The following RIMBP2 variants were observed in gnomAD, a reference collection of about 807,000 sequenced individuals.
RIMBP2 encodes the protein RIMS binding protein 2, also known as RIMS-binding protein 2.
A neutral mutation model predicts 118.6 loss-of-function variants in RIMBP2; 48 were observed. That is an observed-to-expected ratio of 0.40 (90% CI 0.32 to 0.51). RIMBP2 has a LOEUF of 0.51. Ranked by LOEUF, RIMBP2 falls within the 20% of genes least tolerant of loss-of-function variation. The probability of loss-of-function intolerance (pLI) is 0.41; values close to 1 mark genes in which losing one functional copy is unlikely to be tolerated. For synonymous variants in RIMBP2, 762 were observed against 742.9 expected (o/e 1.03, Z -0.42); for missense variants, 1,551 against 1,768.3 (o/e 0.88, Z 2.20).
chr12:130,510,178 T>C (rs2050768568), intron 3 of RIMBP2, among the ~76,000 whole-genome samples: 1 of 152,198 alleles, frequency 6.6e-6, no homozygotes, highest in Non-Finnish European at 1.5e-5. Flanking sequence ...CTCCCACAGG[T>C]GTGTTACAAA....
intron 3 of RIMBP2, among the ~76,000 whole-genome samples, chr12:130,507,664 C>T (rs937357904): frequency 2.0e-5 from 3 of 152,176 alleles, no homozygotes; most frequent in Admixed American, 2.0e-4. Flanking sequence ...CTCTCCTCTT[C>T]GAAACAAGTA....
chr12:130,495,466 C>T (rs1044482632), intron 4 of RIMBP2, among the ~76,000 whole-genome samples: 4 of 152,194 alleles, frequency 2.6e-5, no homozygotes, highest in Admixed American at 1.3e-4. Context: ...GGGTGCCCTG[C>T]GCTCCCCTCT....
rs2061313720 is a variant in RIMBP2, at chr12:130,621,536, C to A, written c.-217+6786G>T. Among the ~76,000 whole-genome samples the A allele has an allele frequency of 6.6e-6, 1 of 152,216 alleles. No individual in the cohort carries two copies. The highest frequency in any genetic ancestry group is 6.5e-5 in the Admixed American group (1 of 15,280). ...TTGCTGAGGCTAGTTTGAGCTGGTT[C>A]TCTGTCATCTGAAATCTGAAGATCG... is the stretch of plus-strand genomic sequence containing the variant. On this transcript the variant is annotated intron_variant, in intron 2 of 22. Transcript: ENST00000690449. The surrounding 1 kb of genome is among the most constrained non-coding windows in gnomAD (Gnocchi z 6.6).
chr12:130,554,038 G>C (rs550755844), intron 2 of RIMBP2, among the ~76,000 whole-genome samples: 2 of 152,156 alleles, frequency 1.3e-5, no homozygotes, highest in Non-Finnish European at 1.5e-5. Context: ...ACTGTGTTCC[G>C]AGTTTGGAGC....
At chr12:130,674,395 C>G (rs2064346433) in intron 1 of RIMBP2, among the ~76,000 whole-genome samples, 1 of 152,134 alleles carries the variant, frequency 6.6e-6, no homozygotes. Context: ...TGAGAATGGA[C>G]TCACACAGAA....
chr12:130,644,028 G>C (rs1044092106), intron 1 of RIMBP2, among the ~76,000 whole-genome samples: 1 of 152,194 alleles, frequency 6.6e-6, no homozygotes, highest in African/African-American at 2.4e-5. Flanking sequence ...ACATGCAAAG[G>C]CCCTGAGGCA....
chr12:130,418,638 C>T (rs1205485729), intron 17 of RIMBP2, among the ~76,000 whole-genome samples: 1 of 152,154 alleles, frequency 6.6e-6, no homozygotes, highest in Non-Finnish European at 1.5e-5. Flanking sequence ...GTTTATGTGG[C>T]AAGTTTGTGG....
rs541546656 is a variant in RIMBP2 at position 130,585,304 on chromosome 12, G to A, written c.-217+43018C>T. On this transcript the variant is annotated intron_variant, in intron 2 of 22. Transcript: ENST00000690449. Reference sequence around the variant, plus strand: ...TTACTTTCTGCTCATGAGGCGGGGCGATGGGGAGATGCCTTTTGGACGTTT... The same window carrying A: ...TTACTTTCTGCTCATGAGGCGGGGCAATGGGGAGATGCCTTTTGGACGTTT... 2.6e-5 allele frequency among the ~76,000 whole-genome samples: 4 copies of A among 152,272 alleles called. No individual in the cohort carries two copies. In the East Asian group the frequency reaches 5.8e-4, roughly 22 times the overall value.
chr12:130,514,296 G>A (rs1239717950), intron 3 of RIMBP2, among the ~76,000 whole-genome samples: 2 of 152,244 alleles, frequency 1.3e-5, no homozygotes, highest in Non-Finnish European at 2.9e-5. Flanking sequence ...TTGTTTAAAA[G>A]GCCAAGCTGA....
At position 130,419,757 on chromosome 12, in the gene RIMBP2, C is replaced by T. The variant is rs560963363; in HGVS notation, c.3238+2696G>A. 3.9e-5 allele frequency: 6 copies of T among 152,294 alleles called. 1 individual carries two copies. Among genetic ancestry groups the T allele is most frequent in the East Asian group, 1.9e-4 (1 of 5,180 alleles). The allele number at this position is 152,294 out of a possible 1,614,324, so 9.4% of individuals were successfully genotyped here. Reference sequence around the variant, plus strand: ...TTCCTAAGAACAGAATCCTCTTGAACGTGGTGCTTCGGTTTTAGAAGAGTG... The same window carrying T: ...TTCCTAAGAACAGAATCCTCTTGAATGTGGTGCTTCGGTTTTAGAAGAGTG... On this transcript the variant is annotated intron_variant, in intron 17 of 22. Transcript: ENST00000690449. The surrounding 1 kb of genome is among the most constrained non-coding windows in gnomAD (Gnocchi z 4.3).
chr12:130,594,370 C>A (rs141691042), intron 2 of RIMBP2, among the ~76,000 whole-genome samples: 4 of 152,178 alleles, frequency 2.6e-5, no homozygotes, highest in Non-Finnish European at 5.9e-5. Context: ...GTAAACAAGA[C>A]AGAAGATAAG....
intron 6 of RIMBP2, among the ~76,000 whole-genome samples, chr12:130,460,813 G>A (rs2079913899): frequency 1.3e-5 from 2 of 152,072 alleles, no homozygotes; most frequent in South Asian, 2.1e-4. Context: ...AGGGGGTGTC[G>A]GGAGCAGGAG....
intron 2 of RIMBP2, among the ~76,000 whole-genome samples, chr12:130,543,757 GA>G (rs56394528): frequency 0.05 from 7,059 of 141,308 alleles, 272 homozygotes; most frequent in East Asian, 0.23. Flanking sequence ...GCACCAGGTG[GA>G]AAAAAAAAAA....
At chr12:130,668,903 C>G (rs1232558470) in intron 1 of RIMBP2, among the ~76,000 whole-genome samples, 1 of 152,236 alleles carries the variant, frequency 6.6e-6, no homozygotes, top group Non-Finnish European at 1.5e-5. Flanking sequence ...TGAGCCAAGC[C>G]AAGCCCCGAG....
intron 2 of RIMBP2, among the ~76,000 whole-genome samples, chr12:130,535,278 C>T (rs1481858217): frequency 2.0e-5 from 3 of 151,968 alleles, no homozygotes; most frequent in African/African-American, 7.3e-5. Context: ...ATGGGAGAAT[C>T]ACATAAGGCC....
At chr12:130,500,087 A>G (rs1378225678) in intron 4 of RIMBP2, among the ~76,000 whole-genome samples, 2 of 152,190 alleles carry the variant, frequency 1.3e-5, no homozygotes, top group African/African-American at 4.8e-5. Context: ...TAAAATCTGT[A>G]TATCTGGACA....
At chr12:130,520,412 T>G (rs1010180049) in intron 2 of RIMBP2, among the ~76,000 whole-genome samples, 3 of 151,810 alleles carry the variant, frequency 2.0e-5, no homozygotes, top group Non-Finnish European at 4.4e-5. Flanking sequence ...AAAAAGCCAG[T>G]CCAGCACTCT....
At chr12:130,610,278 C>A (rs1371558697) in intron 2 of RIMBP2, among the ~76,000 whole-genome samples, 2 of 152,118 alleles carry the variant, frequency 1.3e-5, no homozygotes, top group Non-Finnish European at 2.9e-5. Flanking sequence ...GGGCCTCTGG[C>A]AGTTCAGCTT....
intron 1 of RIMBP2, among the ~76,000 whole-genome samples, chr12:130,666,400 A>G (rs1050479704): frequency 2.0e-5 from 3 of 152,176 alleles, no homozygotes; most frequent in African/African-American, 7.2e-5. Context: ...CAACGGCACC[A>G]AGCAGTATTG....
Sources: allele counts gnomAD v4.1 joint callset (sites outside exome capture counted in the v4.1 genomes callset), GRCh38; gene constraint gnomAD v4.1.1; non-coding constraint Gnocchi (gnomAD v3.1); transcripts MANE v1.5; gene names NCBI Gene and HGNC (gene_info 2026-07-23, HGNC 2026-07-21).